Variants in CSMD1 observed in about 807,000 individuals in gnomAD.
CSMD1 encodes the protein CUB and Sushi multiple domains 1.
CSMD1 carries 213 observed loss-of-function variants against 417.5 expected under a neutral mutation model. The observed-to-expected ratio is 0.51, with a 90% CI of 0.46 to 0.57. The LOEUF (loss-of-function observed/expected upper bound fraction) is 0.57. CSMD1 is among the 20% of genes least tolerant of loss of function. The pLI, the probability that CSMD1 is intolerant of heterozygous loss-of-function variation, is 0.00. For missense variants in CSMD1, 6,923 were observed against 4,529.7 expected (o/e 1.53, Z -15.17); for synonymous variants, 2,862 against 1,736.8 (o/e 1.65, Z -16.11).
intron 3 of CSMD1, among the ~76,000 whole-genome samples, chr8:4,188,430 C>A (rs34851282): frequency 0.63 from 95,881 of 151,462 alleles, 30,821 homozygotes; most frequent in South Asian, 0.76. Flanking sequence ...TCGGCAGATA[C>A]AAGTCCTGAA....
At chr8:3,383,623 G>A (rs948968735) in intron 18 of CSMD1, among the ~76,000 whole-genome samples, 2 of 152,108 alleles carry the variant, frequency 1.3e-5, no homozygotes, top group African/African-American at 4.8e-5. Flanking sequence ...ATGCCAATAA[G>A]AGAAGGAGAA....
intron 2 of CSMD1, among the ~76,000 whole-genome samples, chr8:4,636,065 T>C (rs1802796194): frequency 6.6e-6 from 1 of 152,044 alleles, no homozygotes; most frequent in African/African-American, 2.4e-5. Context: ...TATTGACATA[T>C]TATAAACTAG....
chr8:4,870,462 G>C (rs1278171034), intron 1 of CSMD1, among the ~76,000 whole-genome samples: 2 of 152,080 alleles, frequency 1.3e-5, no homozygotes, highest in Admixed American at 1.3e-4. Context: ...GAAATGTATA[G>C]AGCCAGTCTT....
At chr8:3,778,978 T>A (rs1299108471) in intron 5 of CSMD1, among the ~76,000 whole-genome samples, 1 of 152,142 alleles carries the variant, frequency 6.6e-6, no homozygotes, top group African/African-American at 2.4e-5. Flanking sequence ...TTCTTTTCAT[T>A]TGCAGCACTT....
At chr8:3,427,573 A>T (rs773622550) in intron 12 of CSMD1, among the ~76,000 whole-genome samples, 2 of 152,206 alleles carry the variant, frequency 1.3e-5, no homozygotes, top group Non-Finnish European at 2.9e-5. Flanking sequence ...TCATATTTCA[A>T]ATCTATGAGA....
At chr8:3,381,449 C>A (rs1292208671) in intron 18 of CSMD1, among the ~76,000 whole-genome samples, 1 of 152,074 alleles carries the variant, frequency 6.6e-6, no homozygotes, top group Non-Finnish European at 1.5e-5. Context: ...TATTCTATTG[C>A]AAATTTAGGG....
intron 3 of CSMD1, among the ~76,000 whole-genome samples, chr8:4,066,170 G>T (rs1234609704): frequency 1.3e-5 from 2 of 152,168 alleles, no homozygotes; most frequent in Admixed American, 1.3e-4. Flanking sequence ...TATTTCTAAA[G>T]ATTCACATTC....
intron 4 of CSMD1, among the ~76,000 whole-genome samples, chr8:4,027,869 GA>G (rs1366158923): frequency 6.6e-6 from 1 of 152,116 alleles, no homozygotes; most frequent in Non-Finnish European, 1.5e-5. Context: ...AATAAATAAA[GA>G]GAACAAAGAC....
chr8:4,897,743 CA>C (rs1187311973), intron 1 of CSMD1, among the ~76,000 whole-genome samples: 1 of 152,042 alleles, frequency 6.6e-6, no homozygotes, highest in African/African-American at 2.4e-5. Flanking sequence ...TTCTACTCAT[CA>C]ACTGTTACTG....
Position 3,620,796 on chromosome 8 carries a change from G to A in CSMD1, c.1010-3999C>T, listed in dbSNP as rs547931459. 5.3e-4 allele frequency among the ~76,000 whole-genome samples: 81 copies of A among 152,152 alleles called. No individual in the cohort carries two copies. The South Asian group carries it at 0.016, about 30-fold the overall frequency. On this transcript the variant is annotated intron_variant, in intron 7 of 69. Coordinates refer to ENST00000635120, the MANE Select transcript of CSMD1 (RefSeq NM_033225.6). ...TATGAAAATTGAATAACAACAAAAT[G>A]GTAAAAGTCAGAGCTACCCTTTAAA...
At chr8:4,793,530 A>G (rs1307643557) in intron 1 of CSMD1, among the ~76,000 whole-genome samples, 1 of 151,924 alleles carries the variant, frequency 6.6e-6, no homozygotes, top group Non-Finnish European at 1.5e-5. Flanking sequence ...GGGCACAGTC[A>G]TAGCTGTTCT....
chr8:2,947,460 A>C (rs1329086570), intron 68 of CSMD1, among the ~76,000 whole-genome samples: 2 of 152,238 alleles, frequency 1.3e-5, no homozygotes, highest in East Asian at 3.8e-4. Flanking sequence ...GACTCAAATT[A>C]TTTTGTAAAG....
At chr8:3,765,550 T>G (rs992647466) in intron 5 of CSMD1, among the ~76,000 whole-genome samples, 2 of 152,242 alleles carry the variant, frequency 1.3e-5, no homozygotes, top group African/African-American at 4.8e-5. Flanking sequence ...GTATTCTGTA[T>G]GCACTAAAGC....
Position 4,637,577 on chromosome 8 carries a change from A to C in CSMD1, c.86-19T>G, listed in dbSNP as rs1224943426. Reference sequence around the variant, plus strand: ...TTCTGACCTGGAAGAGAAAACACACACAAAAAAGCATATTATTCTGGCCAT... The same window carrying C: ...TTCTGACCTGGAAGAGAAAACACACCCAAAAAAGCATATTATTCTGGCCAT... On this transcript the variant is annotated intron_variant, in intron 1 of 69. Transcript: ENST00000635120. 1.9e-6 allele frequency: 3 copies of C among 1,554,854 alleles called. No individual in the cohort carries two copies. The highest frequency in any genetic ancestry group is 4.5e-5 in the East Asian group (2 of 44,166).
At chr8:3,611,535 A>G (rs999929159) in intron 8 of CSMD1, among the ~76,000 whole-genome samples, 15 of 152,162 alleles carry the variant, frequency 9.9e-5, no homozygotes, top group Non-Finnish European at 2.1e-4. Flanking sequence ...GGAAAATGAC[A>G]AAATTTGAGC....
In CSMD1 at chr8:4,816,501, T is replaced by C. The variant is rs1039814175; in HGVS notation, c.85+177831A>G. ...CCTCAGGCTCCCAAAATGTTGGGAT[T>C]ACAGGTGTGAGCCACCATGCGCAGC... On this transcript the variant is annotated intron_variant, in intron 1 of 69. Coordinates refer to ENST00000635120, the MANE Select transcript of CSMD1 (RefSeq NM_033225.6). 2.6e-5 allele frequency among the ~76,000 whole-genome samples: 4 copies of C among 152,260 alleles called. No individual in the cohort carries two copies. In the East Asian group the frequency reaches 5.8e-4, roughly 22 times the overall value.
Position 4,228,418 on chromosome 8 carries a change from T to A in CSMD1, c.415+191535A>T, listed in dbSNP as rs896753036. 5.3e-5 allele frequency among the ~76,000 whole-genome samples: 8 copies of A among 152,158 alleles called. No individual in the cohort carries two copies. In the South Asian group the frequency reaches 1.4e-3, roughly 28 times the overall value. ...TCTATGCCCCATATTTTGCTGAATT[T>A]AAGCAGCAGCACCTACACTCATCTC... is the stretch of plus-strand genomic sequence containing the variant. On this transcript the variant is annotated intron_variant, in intron 3 of 69. Coordinates refer to ENST00000635120, the MANE Select transcript of CSMD1 (RefSeq NM_033225.6).
At chr8:3,247,721 CAT>C (rs1411204285) in intron 26 of CSMD1, among the ~76,000 whole-genome samples, 1 of 152,184 alleles carries the variant, frequency 6.6e-6, no homozygotes. Flanking sequence ...TTGAGATTAA[CAT>C]GTGCAGGCAC....
At chr8:4,671,289 C>G (rs1199415573) in intron 1 of CSMD1, among the ~76,000 whole-genome samples, 1 of 152,044 alleles carries the variant, frequency 6.6e-6, no homozygotes, top group African/African-American at 2.4e-5. Context: ...TGAATGGGCC[C>G]TAGGGAAACG....
Sources: allele counts gnomAD v4.1 joint callset (sites outside exome capture counted in the v4.1 genomes callset), GRCh38; gene constraint gnomAD v4.1.1; transcripts MANE v1.5; gene names NCBI Gene and HGNC (gene_info 2026-07-23, HGNC 2026-07-21).